ATAD2: variants seen among roughly 807,000 people sequenced by gnomAD.
ATAD2 encodes ATPase family AAA domain containing 2, also known as ATPase family AAA domain-containing protein 2.
Under a neutral mutation model 168.9 loss-of-function variants are expected in ATAD2, and 62 were observed. That is an observed-to-expected ratio of 0.37 (90% CI 0.30 to 0.45). The LOEUF is 0.45. ATAD2 is among the 20% of genes least tolerant of loss of function. The pLI is 1.00. For synonymous variants in ATAD2, 613 were observed against 571.6 expected, an observed-to-expected ratio of 1.07 and a Z score of -1.03; for missense variants, 1,419 against 1,667.8, an observed-to-expected ratio of 0.85 and a Z score of 2.60.
intron 1 of ATAD2, among the ~76,000 whole-genome samples, chr8:123,388,964 TTC>T (rs552923118): frequency 2.0e-5 from 3 of 151,096 alleles, no homozygotes; most frequent in Admixed American, 6.6e-5. Flanking sequence ...TGCTGTTTTC[TTC>T]TCTCTCTTTT....
chr8:123,380,646 T>C lies in ATAD2; in HGVS notation c.203A>G (p.Tyr68Cys). The C allele has an allele frequency of 2.5e-6, 4 of 1,614,080 alleles. No individual in the cohort carries two copies. Among genetic ancestry groups the C allele is most frequent in the Non-Finnish European group, 3.4e-6 (4 of 1,179,968 alleles). The change falls in exon 2 of 28, where the codon TAC (tyrosine) becomes TGC (cysteine). Residue 68 changes from tyrosine to cysteine, a missense_variant. Around this residue, in one of 5 missense-constraint regions of ATAD2, gnomAD observed 419 missense variants for 423.5 expected, o/e 0.99. Coordinates refer to ENST00000287394, the MANE Select transcript of ATAD2 (RefSeq NM_014109.4). The part of the protein sequence containing the change: ...DGSSVKEVET[Y>C]HRTRALRSLR... ...AGATCTTAAAGCACGTGTCCGGTGG[T>C]AGGTTTCAACTTCCTTAACTGATGA...
chr8:123,396,733 T>A (rs1028662745), upstream of ATAD2, among the ~76,000 whole-genome samples: 1 of 152,166 alleles, frequency 6.6e-6, no homozygotes, highest in Non-Finnish European at 1.5e-5. Flanking sequence ...TTTGGAATTT[T>A]GGCGCGGGAC....
intron 2 of ATAD2, among the ~76,000 whole-genome samples, chr8:123,380,202 C>T (rs565224163): frequency 6.6e-6 from 1 of 152,188 alleles, no homozygotes; most frequent in East Asian, 1.9e-4. Context: ...CAGGCGCCCG[C>T]CACTACACCC....
intron 1 of ATAD2, among the ~76,000 whole-genome samples, chr8:123,412,035 G>T (rs1813166686): frequency 6.6e-6 from 1 of 152,176 alleles, no homozygotes; most frequent in South Asian, 2.1e-4. Context: ...ATAACCTGCA[G>T]ATTTTGTCCT....
At chr8:123,344,777 T>C (rs758858299) in intron 19 of ATAD2, 107 bp downstream of exon 19, 10 of 1,235,762 alleles carry the variant, frequency 8.1e-6, no homozygotes, top group East Asian at 2.5e-5. Context: ...AGAAAACTTA[T>C]CCTTTTATTC....
intron 24 of ATAD2, among the ~76,000 whole-genome samples, chr8:123,329,981 C>CTTTTTTTTTTTTTTTTTTTTTTT (rs71310666): frequency 1.0e-5 from 1 of 100,342 alleles, no homozygotes; most frequent in African/African-American, 3.6e-5. Context: ...CCAGTGGCTT[C>CTTTTTTTTTTTTTTTTTTTTTTT]TTTTTTTTTT....
At chr8:123,400,721 C>T (rs1218286990), upstream of ATAD2, 14 of 754,358 alleles carry the variant, frequency 1.9e-5, no homozygotes, top group South Asian at 8.1e-5. This position sits in a 1 kb window ranked among gnomAD's most constrained non-coding sequence, Gnocchi z 4.5. Context: ...GCTGATGAGG[C>T]GGACCTCACC....
At position 123,337,479 on chromosome 8, in the gene ATAD2, G is replaced by A. The variant is rs557029710; in HGVS notation, c.3051+146C>T. 1.7e-5 allele frequency: 11 copies of A among 648,710 alleles called. No homozygotes were observed. In the South Asian group the frequency reaches 4.3e-4, roughly 25 times the overall value. 40.2% of individuals were successfully genotyped at this position (648,710 alleles called of 1,614,324 possible). A position where few individuals can be genotyped will look rare whatever the true frequency, so the allele number is the denominator to read the frequency against. ...GTTACCCTGCTCTTAAAGTCTACAT[G>A]TGCTTAGGACACTAACCCGGTACAT... On this transcript the variant is annotated intron_variant, in intron 21 of 27. Transcript: ENST00000287394.
rs1828737773 is a variant in ATAD2 at position 123,359,212 on chromosome 8, T to C, written c.1382+9A>G. The C allele has an allele frequency of 6.5e-7, 1 of 1,535,438 alleles. No homozygotes were observed. The highest frequency in any genetic ancestry group is 8.9e-7 in the Non-Finnish European group (1 of 1,127,600). The stretch of plus-strand genomic sequence containing the variant: ...TTTTCAGCTAAAATTAAAAATATAA[T>C]TAAATTACCTTGGGGGTTGAATTTT... On this transcript the variant is annotated intron_variant, in intron 11 of 27. Transcript: ENST00000287394.
intron 18 of ATAD2, 68 bp from the exon 19 acceptor site, chr8:123,345,137 T>A: frequency 7.0e-7 from 1 of 1,419,874 alleles, no homozygotes. Flanking sequence ...TCTATTAGTC[T>A]GAAACAATGT....
At chr8:123,321,935 G>A (rs1247933224) in intron 27 of ATAD2, among the ~76,000 whole-genome samples, 2 of 151,302 alleles carry the variant, frequency 1.3e-5, no homozygotes, top group African/African-American at 2.4e-5. Flanking sequence ...AAGTATTAAT[G>A]CTCTAATTAA....
upstream of ATAD2, chr8:123,401,016 A>G (rs1812988959): frequency 1.7e-5 from 26 of 1,534,128 alleles, no homozygotes; most frequent in South Asian, 2.7e-4. Flanking sequence ...TCACTGAGAC[A>G]GGCACCATGG....
chr8:123,379,890 ATTT>A (rs71895855), intron 2 of ATAD2, among the ~76,000 whole-genome samples: 4 of 129,148 alleles, frequency 3.1e-5, no homozygotes, highest in African/African-American at 1.1e-4. Flanking sequence ...TATTATTATT[ATTT>A]TTTTTTTTTT....
rs756212293 is a variant in ATAD2, at chr8:123,321,187, G to C, written c.4132-12C>G. 1 of 1,602,414 alleles carries C rather than the reference G, an allele frequency of 6.2e-7. No homozygotes were observed. The highest frequency in any genetic ancestry group is 2.2e-5 in the East Asian group (1 of 44,466). Reference sequence around the variant, plus strand: ...TCTTGCTCCATTTTCTAGATAAAGGGGAGGAAGAGCAAATAGTAAGTTTCA... The same window carrying C: ...TCTTGCTCCATTTTCTAGATAAAGGCGAGGAAGAGCAAATAGTAAGTTTCA... On this transcript the variant is annotated splice_polypyrimidine_tract_variant and intron_variant, in intron 27 of 27. Transcript: ENST00000287394.
intron 3 of ATAD2, 74 bp from the exon 4 acceptor site, chr8:123,371,909 A>G (rs1303506762): frequency 4.1e-5 from 54 of 1,305,228 alleles, no homozygotes; most frequent in Non-Finnish European, 5.1e-5. Context: ...TCTAAAATGA[A>G]CAATTGAAAA....
In ATAD2 at chr8:123,347,136, A is replaced by C; in HGVS notation, c.2168T>G (p.Val723Gly). The C allele has an allele frequency of 6.2e-7, 1 of 1,613,996 alleles. No homozygotes were observed. The change falls in exon 16 of 28, where the codon GTA (valine) becomes GGA (glycine). Residue 723 changes from valine to glycine, a missense_variant. By Grantham distance (109) the Val-to-Gly change is moderately radical (BLOSUM62 -3). Transcript: ENST00000287394. ...VDKILEALQRVFPHAEFRTNK... is the reference protein window; with the variant it reads ...VDKILEALQRGFPHAEFRTNK... ...TGTTCTGAATTCTGCATGTGGAAAT[A>C]CTCTCTGCAGGGCTTCTAAAATCTT... is the stretch of plus-strand genomic sequence containing the variant.
chr8:123,397,932 T>G (rs73323704), upstream of ATAD2, among the ~76,000 whole-genome samples: 776 of 150,994 alleles, frequency 5.1e-3, 11 homozygotes, highest in African/African-American at 0.018. Context: ...AAGGGGAGAG[T>G]GGCGAGGCCA....
At chr8:123,342,949 C>T (rs973351048) in intron 19 of ATAD2, among the ~76,000 whole-genome samples, 4 of 151,900 alleles carry the variant, frequency 2.6e-5, no homozygotes, top group Admixed American at 1.3e-4. Flanking sequence ...CACTACCTTA[C>T]GTTTTCCACG....
chr8:123,389,679 C>T (rs578145967), intron 1 of ATAD2, among the ~76,000 whole-genome samples: 8 of 151,520 alleles, frequency 5.3e-5, no homozygotes, highest in Non-Finnish European at 8.8e-5. Flanking sequence ...GTCTACTGCT[C>T]ACTTCTTTAG....
Sources: gnomAD v4.1 joint callset for allele counts (sites outside exome capture counted in the v4.1 genomes callset) on GRCh38, gnomAD v4.1.1 for gene constraint, gnomAD v4.1.1 regional missense constraint, Gnocchi (gnomAD v3.1) non-coding constraint, MANE v1.5 for transcripts, NCBI Gene and HGNC (gene_info 2026-07-23, HGNC 2026-07-21) for gene names.